Variants in HS6ST3 observed in about 807,000 individuals in gnomAD.
The protein encoded by HS6ST3 is heparan sulfate 6-O-sulfotransferase 3.
In HS6ST3, 12 loss-of-function variants were observed where a neutral mutation model predicts 36.7. That is an observed-to-expected ratio of 0.33 (90% CI 0.21 to 0.53). HS6ST3 has a LOEUF of 0.53. HS6ST3 is among the 20% of genes least tolerant of loss of function. The probability of loss-of-function intolerance (pLI) is 0.95; values close to 1 mark genes in which losing one functional copy is unlikely to be tolerated. For synonymous variants in HS6ST3, 240 were observed against 257.5 expected (o/e 0.93, Z 0.65); for missense variants, 584 against 640.9 (o/e 0.91, Z 0.96).
chr13:96,100,603 T>A (rs1262257109), intron 1 of HS6ST3, among the ~76,000 whole-genome samples: 1 of 152,098 alleles, frequency 6.6e-6, no homozygotes, highest in Non-Finnish European at 1.5e-5. Flanking sequence ...AGAGGAGGTG[T>A]TTGCAGAAAG....
chr13:96,427,226 T>C (rs930201915), intron 1 of HS6ST3: 15 of 154,362 alleles, frequency 9.7e-5, no homozygotes, highest in African/African-American at 3.6e-4. Context: ...GTCTATCACT[T>C]GTTATGTGAC....
chr13:96,507,698 C>T (rs748480212), intron 1 of HS6ST3, among the ~76,000 whole-genome samples: 10 of 151,864 alleles, frequency 6.6e-5, no homozygotes, highest in Non-Finnish European at 1.0e-4. Flanking sequence ...AAAAAGGCTA[C>T]GCGCATCTTA....
chr13:96,515,228 A>T (rs946768299), intron 1 of HS6ST3, among the ~76,000 whole-genome samples: 4 of 152,208 alleles, frequency 2.6e-5, no homozygotes, highest in Admixed American at 2.6e-4. Flanking sequence ...TAAAAATTAA[A>T]ATCTGTGGGG....
At chr13:96,123,551 T>A (rs1298867762) in intron 1 of HS6ST3, among the ~76,000 whole-genome samples, 1 of 152,184 alleles carries the variant, frequency 6.6e-6, no homozygotes, top group Non-Finnish European at 1.5e-5. Context: ...ATTTCCTTTG[T>A]CTTATGTCAA....
At chr13:96,407,596 T>A (rs1328055) in intron 1 of HS6ST3, among the ~76,000 whole-genome samples, 58,816 of 151,998 alleles carry the variant, frequency 0.39, 11,967 homozygotes, top group Non-Finnish European at 0.44. Context: ...AAGTGCCAAT[T>A]ACTTAAATCA....
chr13:96,465,442 T>G (rs1458035696), intron 1 of HS6ST3, among the ~76,000 whole-genome samples: 2 of 152,162 alleles, frequency 1.3e-5, no homozygotes, highest in African/African-American at 4.8e-5. Flanking sequence ...TTCCCACGGA[T>G]AAATCATGCA....
chr13:96,352,559 T>C (rs545591380), intron 1 of HS6ST3, among the ~76,000 whole-genome samples: 2 of 152,170 alleles, frequency 1.3e-5, no homozygotes, highest in African/African-American at 2.4e-5. Flanking sequence ...CCACACATAA[T>C]CATTTTCATA....
chr13:96,444,186 T>TA (rs36061970), intron 1 of HS6ST3, among the ~76,000 whole-genome samples: 3,146 of 152,244 alleles, frequency 0.021, 116 homozygotes, highest in African/African-American at 0.069. Flanking sequence ...ATGGGCATGA[T>TA]AAAAAACTTT....
intron 1 of HS6ST3, among the ~76,000 whole-genome samples, chr13:96,596,128 T>C (rs181541482): frequency 6.6e-6 from 1 of 152,294 alleles, no homozygotes; most frequent in East Asian, 1.9e-4. Context: ...CTCCAGTGTT[T>C]ATTATATCAC....
chr13:96,784,912 G>A (rs58711568), intron 1 of HS6ST3, among the ~76,000 whole-genome samples: 4,908 of 152,202 alleles, frequency 0.032, 255 homozygotes, highest in African/African-American at 0.11. Flanking sequence ...TCACTCCTGC[G>A]ATCCCAGCAC....
At chr13:96,383,268 A>T (rs2055350635) in intron 1 of HS6ST3, among the ~76,000 whole-genome samples, 1 of 152,200 alleles carries the variant, frequency 6.6e-6, no homozygotes, top group South Asian at 2.1e-4. Flanking sequence ...CCTGGGCAAC[A>T]TGGTGAAACC....
At chr13:96,650,945 T>C (rs1225128907) in intron 1 of HS6ST3, among the ~76,000 whole-genome samples, 1 of 152,128 alleles carries the variant, frequency 6.6e-6, no homozygotes, top group Non-Finnish European at 1.5e-5. Flanking sequence ...TAGCCTGTTC[T>C]TTCTGACATG....
intron 1 of HS6ST3, among the ~76,000 whole-genome samples, chr13:96,535,402 C>T (rs542301913): frequency 2.0e-5 from 3 of 151,438 alleles, no homozygotes; most frequent in African/African-American, 7.3e-5. Context: ...TAAAAAAATA[C>T]TAAAAATTAG....
intron 1 of HS6ST3, among the ~76,000 whole-genome samples, chr13:96,687,679 A>C (rs1359257993): frequency 6.6e-6 from 1 of 151,918 alleles, no homozygotes; most frequent in Non-Finnish European, 1.5e-5. Context: ...ATTATTGCGG[A>C]TAAGGGCAGG....
intron 1 of HS6ST3, among the ~76,000 whole-genome samples, chr13:96,586,957 G>T (rs1485380918): frequency 4.6e-5 from 7 of 152,056 alleles, no homozygotes; most frequent in Non-Finnish European, 1.0e-4. Flanking sequence ...TCCATTTTGA[G>T]TTGATCTTTA....
chr13:96,558,721 T>G (rs1314641805), intron 1 of HS6ST3, among the ~76,000 whole-genome samples: 1 of 152,252 alleles, frequency 6.6e-6, no homozygotes, highest in East Asian at 1.9e-4. Context: ...ATTTCAATCC[T>G]CATTTTAAGA....
chr13:96,097,609 ACTTAT>A (rs2053797797), intron 1 of HS6ST3, among the ~76,000 whole-genome samples: 1 of 152,026 alleles, frequency 6.6e-6, no homozygotes, highest in South Asian at 2.1e-4. Context: ...TGTAGTAATC[ACTTAT>A]CTTGTTTTTG....
intron 1 of HS6ST3, among the ~76,000 whole-genome samples, chr13:96,697,140 G>A (rs669548): frequency 0.015 from 2,257 of 151,358 alleles, 55 homozygotes; most frequent in African/African-American, 0.051. Context: ...AGTACCCATG[G>A]AGATTTTATA....
chr13:96,796,449 A>C (rs985870577), intron 1 of HS6ST3, among the ~76,000 whole-genome samples: 1 of 152,130 alleles, frequency 6.6e-6, no homozygotes, highest in Admixed American at 6.6e-5. Context: ...GACTAGTGGT[A>C]GGAGGAAGCA....
Sources: allele counts gnomAD v4.1 joint callset (sites outside exome capture counted in the v4.1 genomes callset), GRCh38; gene constraint gnomAD v4.1.1; transcripts MANE v1.5; gene names NCBI Gene and HGNC (gene_info 2026-07-23, HGNC 2026-07-21).